CAPZA1: variants seen among roughly 807,000 people sequenced by gnomAD.
CAPZA1 encodes capping actin protein of muscle Z-line subunit alpha 1, also known as F-actin-capping protein subunit alpha-1.
Under a neutral mutation model 40.8 loss-of-function variants are expected in CAPZA1, and 10 were observed. The ratio of observed to expected loss-of-function variants is 0.25; its 90% CI spans 0.15 to 0.42. The LOEUF (loss-of-function observed/expected upper bound fraction) is 0.42. Ranked by LOEUF, CAPZA1 falls within the 10% of genes least tolerant of loss-of-function variation. The probability of loss-of-function intolerance (pLI) is 1.00; values close to 1 mark genes in which losing one functional copy is unlikely to be tolerated. For missense variants in CAPZA1, 277 were observed against 353.8 expected (o/e 0.78, Z 1.74); for synonymous variants, 98 against 115.0 (o/e 0.85, Z 0.95).
intron 7 of CAPZA1, among the ~76,000 whole-genome samples, chr1:112,665,645 A>G (rs1234325000): frequency 6.6e-6 from 1 of 152,172 alleles, no homozygotes; most frequent in African/African-American, 2.4e-5. Context: ...CACCTTCTGC[A>G]TTCTCACGTG....
intron 1 of CAPZA1, among the ~76,000 whole-genome samples, chr1:112,641,501 A>G (rs1485871328): frequency 6.6e-6 from 1 of 152,170 alleles, no homozygotes; most frequent in Non-Finnish European, 1.5e-5. Context: ...ATGTCAACAA[A>G]TGGAGCACTT....
intron 7 of CAPZA1, among the ~76,000 whole-genome samples, chr1:112,665,046 TAAGTGAGATG>T (rs1671696936): frequency 6.7e-6 from 1 of 150,356 alleles, no homozygotes; most frequent in Non-Finnish European, 1.5e-5. Context: ...GATTACTGAG[TAAGTGAGATG>T]AAGTAAGTGA....
Position 112,633,589 on chromosome 1 carries a change from C to A in CAPZA1, c.40-13621C>A, listed in dbSNP as rs116192737. The stretch of plus-strand genomic sequence containing the variant: ...AGATATCTCTCTGACATACCAATTT[C>A]AGTTCCTTTGGCTATCTATCCAGAA... On this transcript the variant is annotated intron_variant, in intron 1 of 9. Transcript: ENST00000263168. Among the ~76,000 whole-genome samples, 112 of 152,258 alleles carry A rather than the reference C, an allele frequency of 7.4e-4. 1 individual carries two copies. Among genetic ancestry groups the A allele is most frequent in the African/African-American group, 2.6e-3 (108 of 41,552 alleles).
At chr1:112,648,817 G>A (rs1442418525) in intron 2 of CAPZA1, among the ~76,000 whole-genome samples, 1 of 152,210 alleles carries the variant, frequency 6.6e-6, no homozygotes, top group Non-Finnish European at 1.5e-5. Flanking sequence ...ACAAAAATTA[G>A]CCAAGCATGG....
At chr1:112,664,250 G>T (rs10857970) in intron 7 of CAPZA1, among the ~76,000 whole-genome samples, 1 of 134,202 alleles carries the variant, frequency 7.5e-6, no homozygotes, top group African/African-American at 3.3e-5. Flanking sequence ...AAAAAAAAAA[G>T]ATACTTATTT....
chr1:112,659,090 T>C lies in CAPZA1; in HGVS notation c.495T>C (p.Pro165=). 3 of 1,609,516 alleles carry C rather than the reference T, an allele frequency of 1.9e-6. No individual in the cohort carries two copies. Among genetic ancestry groups the C allele is most frequent in the Admixed American group, 1.7e-5 (1 of 60,000 alleles). ...GTATTGAAAGCCACCAGTTTCAGCC[T>C]AAAAACTTCTGGTAAGAAGTAGATA... ...IACIESHQFQ[P]KNFWNGRWRS... The change falls in exon 6 of 10, where the codon CCT becomes CCC. Residue 165 remains proline (P), a synonymous_variant. Coordinates refer to ENST00000263168, the MANE Select transcript of CAPZA1 (RefSeq NM_006135.3).
At chr1:112,624,931 G>C (rs560470125) in intron 1 of CAPZA1, among the ~76,000 whole-genome samples, 4 of 152,178 alleles carry the variant, frequency 2.6e-5, no homozygotes, top group Admixed American at 1.3e-4. Flanking sequence ...TTACAAGACT[G>C]AGTTCCTTGA....
In CAPZA1 at chr1:112,619,896, CCT is replaced by C. The variant is rs761047652; in HGVS notation, c.39+22_39+23del. 13 of 1,604,352 alleles carry C rather than the reference CCT, an allele frequency of 8.1e-6. No homozygotes were observed. The highest frequency in any genetic ancestry group is 2.7e-5 in the African/African-American group (2 of 74,800). ...GGATGAGGAGAAGGTAAGGGGTCCG[CCT>C]CTCTCTCTTACCTCCTCCCCCGACA... On this transcript the variant is annotated intron_variant, in intron 1 of 9. Transcript: ENST00000263168.
At chr1:112,633,252 C>T (rs1025998360) in intron 1 of CAPZA1, among the ~76,000 whole-genome samples, 21 of 152,170 alleles carry the variant, frequency 1.4e-4, no homozygotes, top group Admixed American at 5.9e-4. Context: ...TCCCTGACCC[C>T]TCAGCCTCTG....
chr1:112,653,044 T>A lies in CAPZA1; in HGVS notation c.156-554T>A, dbSNP rs148559542. Among the ~76,000 whole-genome samples the A allele has an allele frequency of 5.3e-5, 8 of 152,346 alleles. No individual in the cohort carries two copies. The East Asian group carries it at 1.3e-3, about 26-fold the overall frequency. Reference sequence around the variant, plus strand: ...TCTGACATTTAATTATAGTTTCTCGTGACTTTGAGAGCCAAGAAAAAAGAT... The same window carrying A: ...TCTGACATTTAATTATAGTTTCTCGAGACTTTGAGAGCCAAGAAAAAAGAT... On this transcript the variant is annotated intron_variant, in intron 3 of 9. Coordinates refer to ENST00000263168, the MANE Select transcript of CAPZA1 (RefSeq NM_006135.3).
At chr1:112,640,182 G>A (rs1246311862) in intron 1 of CAPZA1, among the ~76,000 whole-genome samples, 7 of 125,746 alleles carry the variant, frequency 5.6e-5, no homozygotes, top group Non-Finnish European at 1.0e-4. Flanking sequence ...AGTCCGGGAG[G>A]GAGGTGGGGG....
At chr1:112,663,977 T>C (rs1362978946) in intron 7 of CAPZA1, among the ~76,000 whole-genome samples, 3 of 151,972 alleles carry the variant, frequency 2.0e-5, no homozygotes, top group African/African-American at 7.2e-5. Flanking sequence ...CTCACGCCTG[T>C]AATCCCAGCA....
At chr1:112,641,563 T>C (rs1280199437) in intron 1 of CAPZA1, among the ~76,000 whole-genome samples, 2 of 152,178 alleles carry the variant, frequency 1.3e-5, no homozygotes, top group Admixed American at 1.3e-4. Flanking sequence ...AACTGAATTT[T>C]TTTTTTATGT....
chr1:112,635,181 C>G (rs569527991), intron 1 of CAPZA1, among the ~76,000 whole-genome samples: 1 of 152,028 alleles, frequency 6.6e-6, no homozygotes, highest in Non-Finnish European at 1.5e-5. Flanking sequence ...ACACTTTTTA[C>G]GGTTGGGTTG....
At chr1:112,645,398 G>A (rs1671260522) in intron 1 of CAPZA1, among the ~76,000 whole-genome samples, 1 of 152,208 alleles carries the variant, frequency 6.6e-6, no homozygotes, top group South Asian at 2.1e-4. Context: ...GCTGAGGTGG[G>A]AGGATCACTT....
At chr1:112,641,065 C>A (rs1209667026) in intron 1 of CAPZA1, among the ~76,000 whole-genome samples, 1 of 152,106 alleles carries the variant, frequency 6.6e-6, no homozygotes, top group East Asian at 1.9e-4. Flanking sequence ...ATCTCAAGTA[C>A]CCAGGGACAC....
chr1:112,626,085 A>G (rs1670800053), intron 1 of CAPZA1: 1 of 152,510 alleles, frequency 6.6e-6, no homozygotes, highest in African/African-American at 2.4e-5. Flanking sequence ...ATAGCTGAGC[A>G]GTTGAGATTG....
At chr1:112,661,366 T>G (rs898823003) in intron 7 of CAPZA1, among the ~76,000 whole-genome samples, 4 of 152,204 alleles carry the variant, frequency 2.6e-5, no homozygotes, top group African/African-American at 9.6e-5. Context: ...AAGCACATTC[T>G]GTTTAGTCTT....
intron 7 of CAPZA1, among the ~76,000 whole-genome samples, chr1:112,665,184 T>TG (rs1671701167): frequency 6.7e-6 from 1 of 148,712 alleles, no homozygotes; most frequent in African/African-American, 2.5e-5. Context: ...TTGTGTTTTT[T>TG]TTTTTTTTTT....
Sources: gnomAD v4.1 joint callset for allele counts (sites outside exome capture counted in the v4.1 genomes callset) on GRCh38, gnomAD v4.1.1 for gene constraint, MANE v1.5 for transcripts, NCBI Gene and HGNC (gene_info 2026-07-23, HGNC 2026-07-21) for gene names.